The following NDUFV1 variants were observed in gnomAD, a reference collection of about 807,000 sequenced individuals.
NDUFV1 encodes NADH:ubiquinone oxidoreductase core subunit V1, also known as NADH dehydrogenase [ubiquinone] flavoprotein 1, mitochondrial.
Under a neutral mutation model 48.7 loss-of-function variants are expected in NDUFV1, and 41 were observed. The ratio of observed to expected loss-of-function variants is 0.84; its 90% CI spans 0.66 to 1.09. The LOEUF (loss-of-function observed/expected upper bound fraction) is 1.09, where lower values mean the gene tolerates loss of function less well. Among genes scored for constraint, NDUFV1 ranks in the 50% least tolerant of loss-of-function variants. NDUFV1 has a pLI of 0.00. For synonymous variants in NDUFV1, 231 were observed against 259.1 expected (o/e 0.89, Z 1.04); for missense variants, 580 against 645.4 (o/e 0.90, Z 1.10).
Position 67,610,570 on chromosome 11 carries a change from G to A in NDUFV1, c.700G>A (p.Gly234Arg), listed in dbSNP as rs1854894496. 2 of 1,613,876 alleles carry A rather than the reference G, an allele frequency of 1.2e-6. No homozygotes were observed. Among genetic ancestry groups the A allele is most frequent in the African/African-American group, 2.7e-5 (2 of 75,048 alleles). ...GAAGCCCCCCTTCCCCGCAGACGTG[G>A]GTAAGGCCTGGCGTAACCCTGGGTC... is the stretch of plus-strand genomic sequence containing the variant. ...RLKPPFPADV[G>R]VFGCPTTVAN... Residue 234 changes from glycine to arginine, a missense_variant and splice_region_variant, in exon 5 of 10, where the codon GGA (glycine) becomes AGA (arginine). Transcript: ENST00000322776.
In NDUFV1 at chr11:67,611,513, C is replaced by T. The variant is rs761216090; in HGVS notation, c.1024C>T (p.Leu342=). The T allele has an allele frequency of 6.2e-7, 1 of 1,613,322 alleles. No individual in the cohort carries two copies. The highest frequency in any genetic ancestry group is 8.5e-7 in the Non-Finnish European group (1 of 1,179,740). The change falls in exon 7 of 10, where the codon CTG becomes TTG. Residue 342 remains leucine, a synonymous_variant. Coordinates refer to ENST00000322776, the MANE Select transcript of NDUFV1 (RefSeq NM_007103.4). The surrounding 1 kb of genome is among the most constrained non-coding windows in gnomAD (Gnocchi z 4.2). ...CETVLMDFDA[L]VQAQTGLGTA... is the part of the protein sequence containing the mutation. ...GACGGTGCTGATGGACTTCGATGCG[C>T]TGGTGCAGGCACAGACAGGCCTGGG...
At chr11:67,609,747 C>A in intron 4 of NDUFV1, 112 bp downstream of exon 4, 1 of 1,295,696 alleles carries the variant, frequency 7.7e-7, no homozygotes, top group Admixed American at 1.8e-5. Context: ...AGTGGTTGAA[C>A]TGGGGGAGTG....
In NDUFV1 at chr11:67,612,063, C is replaced by G; in HGVS notation, c.1163-57C>G. 6.2e-7 allele frequency: 1 copy of G among 1,613,550 alleles called. No homozygotes were observed. The highest frequency in any genetic ancestry group is 8.5e-7 in the Non-Finnish European group (1 of 1,179,924). ...CACGTGGCCTGCAGCCCTCAAGCGC[C>G]GCCCCACATCCTGGCTGGGGAGATC... On this transcript the variant is annotated intron_variant, in intron 8 of 9. Coordinates refer to ENST00000322776, the MANE Select transcript of NDUFV1 (RefSeq NM_007103.4). This position sits in a 1 kb window ranked among gnomAD's most constrained non-coding sequence, Gnocchi z 4.4.
Position 67,611,829 on chromosome 11 carries a change from T to C in NDUFV1, c.1081-68T>C. The stretch of plus-strand genomic sequence containing the variant: ...CTTCTGGAACTGGGGGAGGGGCTGC[T>C]GCTAGGGGGCTGAGGCCCAGGCTTC... On this transcript the variant is annotated intron_variant, in intron 7 of 9. Coordinates refer to ENST00000322776, the MANE Select transcript of NDUFV1 (RefSeq NM_007103.4). This position sits in a 1 kb window ranked among gnomAD's most constrained non-coding sequence, Gnocchi z 4.2. The C allele has an allele frequency of 6.3e-7, 1 of 1,579,548 alleles. No homozygotes were observed. The highest frequency in any genetic ancestry group is 8.7e-7 in the Non-Finnish European group (1 of 1,150,054).
Position 67,611,492 on chromosome 11 carries a change from G to T in NDUFV1, c.1003G>T (p.Val335Leu), listed in dbSNP as rs776659620. The T allele has an allele frequency of 6.2e-7, 1 of 1,614,016 alleles. No homozygotes were observed. Among genetic ancestry groups the T allele is most frequent in the Non-Finnish European group, 8.5e-7 (1 of 1,179,980 alleles). Residue 335 changes from valine to leucine, a missense_variant, in exon 7 of 10, where the codon GTG (valine) becomes TTG (leucine). Transcript: ENST00000322776. This position sits in a 1 kb window ranked among gnomAD's most constrained non-coding sequence, Gnocchi z 4.2. Reference protein sequence around the residue: ...PLIPKSVCETVLMDFDALVQA... With the variant: ...PLIPKSVCETLLMDFDALVQA... Reference sequence around the variant, plus strand: ...GATCCCCAAGTCTGTGTGTGAGACGGTGCTGATGGACTTCGATGCGCTGGT... The same window carrying T: ...GATCCCCAAGTCTGTGTGTGAGACGTTGCTGATGGACTTCGATGCGCTGGT...
At position 67,611,178 on chromosome 11, in the gene NDUFV1, C is replaced by T; in HGVS notation, c.884C>T (p.Pro295Leu). 6.2e-7 allele frequency: 1 copy of T among 1,614,070 alleles called. No homozygotes were observed. The highest frequency in any genetic ancestry group is 8.5e-7 in the Non-Finnish European group (1 of 1,180,008). ...ACTGTGGAGGAGGAGATGTCTGTGC[C>T]CTTGAAAGAACTGATTGAGAAGCAT... ...PCTVEEEMSV[P>L]LKELIEKHAG... Residue 295 changes from proline (P) to leucine (L), a missense_variant, in exon 6 of 10, where the codon CCC (proline) becomes CTC (leucine). Physicochemically the swap from Pro to Leu is moderately conservative, Grantham distance 98. Coordinates refer to ENST00000322776, the MANE Select transcript of NDUFV1 (RefSeq NM_007103.4). This position sits in a 1 kb window ranked among gnomAD's most constrained non-coding sequence, Gnocchi z 4.2.
rs1228253932 is a variant in NDUFV1 at position 67,608,588 on chromosome 11, G to A, written c.192G>A (p.Lys64=). The A allele has an allele frequency of 6.2e-7, 1 of 1,614,094 alleles. No homozygotes were observed. Among genetic ancestry groups the A allele is most frequent in the Non-Finnish European group, 8.5e-7 (1 of 1,180,032 alleles). The change falls in exon 3 of 10, where the codon AAG becomes AAA. Residue 64 remains lysine (K), a synonymous_variant. Coordinates refer to ENST00000322776, the MANE Select transcript of NDUFV1 (RefSeq NM_007103.4). Reference sequence around the variant, plus strand: ...CCCTGAGTCGAGGTGACTGGTACAAGACAAAGGAGATCCTGCTGAAGGGGC... The same window carrying A: ...CCCTGAGTCGAGGTGACTGGTACAAAACAAAGGAGATCCTGCTGAAGGGGC... ...KGSLSRGDWY[K]TKEILLKGPD...
intron 3 of NDUFV1, 97 bp downstream of exon 3, chr11:67,608,819 G>C (rs1854859334): frequency 1.9e-6 from 3 of 1,548,454 alleles, no homozygotes; most frequent in Non-Finnish European, 2.6e-6. Context: ...TAGAAACTTA[G>C]CATGAATGAG....
Position 67,611,058 on chromosome 11 carries a change from G to C in NDUFV1, c.764G>C (p.Cys255Ser), listed in dbSNP as rs1185137122. Reference protein sequence around the residue: ...VETVAVSPTICRRGGTWFAGF... With the variant: ...VETVAVSPTISRRGGTWFAGF... ...ACAGTGGCAGTGTCCCCCACAATCT[G>C]CCGCCGTGGAGGTACCTGGTTTGCT... Residue 255 changes from cysteine to serine, a missense_variant, in exon 6 of 10, where the codon TGC becomes TCC. Physicochemically the swap from Cys to Ser is moderately radical, Grantham distance 112 (BLOSUM62 -1). Coordinates refer to ENST00000322776, the MANE Select transcript of NDUFV1 (RefSeq NM_007103.4). The surrounding 1 kb of genome is among the most constrained non-coding windows in gnomAD (Gnocchi z 4.2). The C allele has an allele frequency of 6.2e-7, 1 of 1,614,234 alleles. No individual in the cohort carries two copies. Among genetic ancestry groups the C allele is most frequent in the Non-Finnish European group, 8.5e-7 (1 of 1,180,052 alleles).
rs1001680298 is a variant in NDUFV1, at chr11:67,611,309, A to G, written c.914-94A>G. The stretch of plus-strand genomic sequence containing the variant: ...GGGCTCAGGAGACGGGGCTGGGTCT[A>G]GGGGCTGACTAAGGGCCTGGGCTCA... On this transcript the variant is annotated intron_variant, in intron 6 of 9. Coordinates refer to ENST00000322776, the MANE Select transcript of NDUFV1 (RefSeq NM_007103.4). The surrounding 1 kb of genome is among the most constrained non-coding windows in gnomAD (Gnocchi z 4.2). 15 of 1,593,684 alleles carry G rather than the reference A, an allele frequency of 9.4e-6. No homozygotes were observed. The African/African-American group carries it at 1.9e-4, about 20-fold the overall frequency.
At position 67,611,023 on chromosome 11, in the gene NDUFV1, C is replaced by T; in HGVS notation, c.729C>T (p.Ala243=). 1 of 1,614,228 alleles carries T rather than the reference C, an allele frequency of 6.2e-7. No individual in the cohort carries two copies. The change falls in exon 6 of 10, where the codon GCC becomes GCT. Residue 243 remains alanine (A), a synonymous_variant. Coordinates refer to ENST00000322776, the MANE Select transcript of NDUFV1 (RefSeq NM_007103.4). The surrounding 1 kb of genome is among the most constrained non-coding windows in gnomAD (Gnocchi z 4.2). ...VGVFGCPTTV[A]NVETVAVSPT... ...TGTTTGGCTGCCCCACAACTGTGGC[C>T]AACGTGGAGACAGTGGCAGTGTCCC... is the stretch of plus-strand genomic sequence containing the variant.
chr11:67,608,013 G>A (rs138657569), intron 1 of NDUFV1, among the ~76,000 whole-genome samples: 158 of 152,236 alleles, frequency 1.0e-3, no homozygotes, highest in African/African-American at 3.2e-3. Context: ...GATCGCTTGA[G>A]GTCAGGAGTT....
chr11:67,611,239 G>A lies in NDUFV1; in HGVS notation c.913+32G>A, dbSNP rs1854909521. Reference sequence around the variant, plus strand: ...CCTGGGGCCAGCCAGGTGGTGGGGGGGTGCGCAGTGGGGGCAGGTGTCCAC... The same window carrying A: ...CCTGGGGCCAGCCAGGTGGTGGGGGAGTGCGCAGTGGGGGCAGGTGTCCAC... On this transcript the variant is annotated intron_variant, in intron 6 of 9. Coordinates refer to ENST00000322776, the MANE Select transcript of NDUFV1 (RefSeq NM_007103.4). This position sits in a 1 kb window ranked among gnomAD's most constrained non-coding sequence, Gnocchi z 4.2. 1 of 1,603,672 alleles carries A rather than the reference G, an allele frequency of 6.2e-7. No individual in the cohort carries two copies.
Position 67,609,461 on chromosome 11 carries a change from T to A in NDUFV1, c.336T>A (p.Tyr112Ter). The A allele has an allele frequency of 6.2e-7, 1 of 1,613,460 alleles. No homozygotes were observed. Among genetic ancestry groups the A allele is most frequent in the Middle Eastern group, 1.7e-4 (1 of 6,058 alleles). ...CTGTGGGCCCCTGCAGGCCCAAGTA[T>A]CTGGTGGTGAACGCAGACGAGGGGG... ...MNKPSDGRPK[Y>*]LVVNADEGEP... is the part of the protein sequence containing the mutation. The change falls in exon 4 of 10, where the codon TAT becomes TAA. Residue 112 changes from tyrosine (Y) to a stop codon, truncating the protein, a stop_gained. Transcript: ENST00000322776. LOFTEE classifies it high-confidence loss of function.
At position 67,612,469 on chromosome 11, in the gene NDUFV1, T is replaced by C; in HGVS notation, c.*11T>C. ...CAGGCTGCCTCTTAGCCCACCACCC[T>C]GGCCTGCTGTCCTGCGTCTATCCAT... is the stretch of plus-strand genomic sequence containing the variant. On this transcript the variant is annotated 3_prime_UTR_variant, in exon 10 of 10. Coordinates refer to ENST00000322776, the MANE Select transcript of NDUFV1 (RefSeq NM_007103.4). The surrounding 1 kb of genome is among the most constrained non-coding windows in gnomAD (Gnocchi z 4.4). 6.2e-7 allele frequency: 1 copy of C among 1,609,854 alleles called. No homozygotes were observed. Among genetic ancestry groups the C allele is most frequent in the Non-Finnish European group, 8.5e-7 (1 of 1,178,942 alleles).
rs1328671265 is a variant in NDUFV1, at chr11:67,611,962, T to C, written c.1146T>C (p.Cys382=). The C allele has an allele frequency of 1.2e-6, 2 of 1,614,010 alleles. No individual in the cohort carries two copies. Among genetic ancestry groups the C allele is most frequent in the Non-Finnish European group, 1.7e-6 (2 of 1,179,996 alleles). Residue 382 remains cysteine, a synonymous_variant, in exon 8 of 10, where the codon TGT becomes TGC. Transcript: ENST00000322776. This position sits in a 1 kb window ranked among gnomAD's most constrained non-coding sequence, Gnocchi z 4.2. ...ATAAGCACGAGAGCTGTGGCCAGTG[T>C]ACCCCATGCCGTGAGGGTGAGCATC... is the stretch of plus-strand genomic sequence containing the variant. ...EFYKHESCGQ[C]TPCREGVDWM... is the part of the protein sequence containing the mutation.
In NDUFV1 at chr11:67,610,362, TCA is replaced by T. The variant is rs1347616869; in HGVS notation, c.511-15_511-14del. 2 of 1,614,088 alleles carry T rather than the reference TCA, an allele frequency of 1.2e-6. No individual in the cohort carries two copies. Among genetic ancestry groups the T allele is most frequent in the Non-Finnish European group, 8.5e-7 (1 of 1,179,980 alleles). On this transcript the variant is annotated splice_polypyrimidine_tract_variant and intron_variant, in intron 4 of 9. Coordinates refer to ENST00000322776, the MANE Select transcript of NDUFV1 (RefSeq NM_007103.4). ...CTGGGCTGGGGGTGGGCTGGGAAAC[TCA>T]CACCTTTGTCCTGCAGGTGGCCATC... is the stretch of plus-strand genomic sequence containing the variant.
At chr11:67,607,739 G>A (rs1031878208) in intron 1 of NDUFV1, 1 of 333,588 alleles carries the variant, frequency 3.0e-6, no homozygotes, top group Non-Finnish European at 5.9e-6. Flanking sequence ...GCAGCTGTGG[G>A]TTTGGCCACC....
intron 3 of NDUFV1, 119 bp downstream of exon 3, chr11:67,608,841 T>C: frequency 7.2e-7 from 1 of 1,388,162 alleles, no homozygotes; most frequent in Non-Finnish European, 1.0e-6. Flanking sequence ...TGGGCACATG[T>C]TCCCAGGCCT....
Sources: gnomAD v4.1 joint callset for allele counts (sites outside exome capture counted in the v4.1 genomes callset) on GRCh38, gnomAD v4.1.1 for gene constraint, Gnocchi (gnomAD v3.1) non-coding constraint, MANE v1.5 for transcripts, NCBI Gene and HGNC (gene_info 2026-07-23, HGNC 2026-07-21) for gene names.